The following RLN2 variants were observed in gnomAD, a reference collection of about 807,000 sequenced individuals.
RLN2 encodes the protein prorelaxin H2.
A neutral mutation model predicts 7.3 loss-of-function variants in RLN2; 10 were observed. The ratio of observed to expected loss-of-function variants is 1.36; its 90% CI spans 0.84 to 2.31. The LOEUF (loss-of-function observed/expected upper bound fraction) is 2.31. RLN2 is among the 30% of genes most tolerant of loss of function. The pLI, the probability that RLN2 is intolerant of heterozygous loss-of-function variation, is 0.00. For missense variants in RLN2, 298 were observed against 217.6 expected (o/e 1.37, Z -2.32); for synonymous variants, 103 against 82.3 (o/e 1.25, Z -1.36).
chr9:5,333,283 T>C, the RLN2 span, among the ~76,000 whole-genome samples: 2 of 151,774 alleles, frequency 1.3e-5, no homozygotes, highest in Non-Finnish European at 2.9e-5. Context: ...CCTACAACAC[T>C]GATAAAGAAG....
the RLN2 span, among the ~76,000 whole-genome samples, chr9:5,332,656 C>G: frequency 6.7e-6 from 1 of 150,012 alleles, no homozygotes; most frequent in Non-Finnish European, 1.5e-5. Context: ...GTGTTTCACT[C>G]TTGATGCCTA....
chr9:5,326,632 T>C, the RLN2 span, among the ~76,000 whole-genome samples: 1 of 152,028 alleles, frequency 6.6e-6, no homozygotes, highest in Non-Finnish European at 1.5e-5. Flanking sequence ...AAACAGAGAA[T>C]GCCCAGGTCT....
At chr9:5,321,262 A>G in the RLN2 span, among the ~76,000 whole-genome samples, 1 of 152,118 alleles carries the variant, frequency 6.6e-6, no homozygotes, top group Non-Finnish European at 1.5e-5. Flanking sequence ...CCAACCCATT[A>G]GAAAATGAGC....
In RLN2 at chr9:5,300,015, G is replaced by T; in HGVS notation, c.*83C>A. On this transcript the variant is annotated 3_prime_UTR_variant, in exon 2 of 2. Transcript: ENST00000381627. ...AAGATTCTTAGATATTCTAAGAATTGATGGGACCTGATAGAAGCATCAGTG... is the reference window on the plus strand; with the variant it reads ...AAGATTCTTAGATATTCTAAGAATTTATGGGACCTGATAGAAGCATCAGTG... The T allele has an allele frequency of 2.5e-6, 2 of 804,874 alleles. No homozygotes were observed. The highest frequency in any genetic ancestry group is 4.0e-5 in the South Asian group (2 of 50,376). 49.9% of individuals were successfully genotyped at this position (804,874 alleles called of 1,614,324 possible).
chr9:5,307,107 G>A (rs141716088), upstream of RLN2, among the ~76,000 whole-genome samples: 3 of 152,012 alleles, frequency 2.0e-5, no homozygotes, highest in African/African-American at 4.8e-5. Context: ...CTGCCTGGGA[G>A]GGTGGGAATA....
the RLN2 span, chr9:5,311,491 C>G: frequency 1.5e-6 from 1 of 682,848 alleles, no homozygotes; most frequent in African/African-American, 1.8e-5. Flanking sequence ...GATAAAGTCA[C>G]GATGAAGGAT....
At chr9:5,327,818 G>A in the RLN2 span, among the ~76,000 whole-genome samples, 1 of 152,098 alleles carries the variant, frequency 6.6e-6, no homozygotes, top group South Asian at 2.1e-4. Flanking sequence ...GCAGCTGAGG[G>A]GTCTGACTGT....
At chr9:5,317,126 A>T in the RLN2 span, among the ~76,000 whole-genome samples, 1 of 152,048 alleles carries the variant, frequency 6.6e-6, no homozygotes, top group Non-Finnish European at 1.5e-5. Context: ...ACAGGAAAAC[A>T]TAAAATCACA....
the RLN2 span, among the ~76,000 whole-genome samples, chr9:5,336,163 C>T: frequency 6.6e-6 from 1 of 151,970 alleles, no homozygotes; most frequent in African/African-American, 2.4e-5. Context: ...CTCTGATGTT[C>T]CTCAATCATC....
chr9:5,302,856 AAG>A (rs35424903), intron 1 of RLN2, among the ~76,000 whole-genome samples: 85,688 of 150,380 alleles, frequency 0.57, 26,008 homozygotes, highest in African/African-American at 0.78. Context: ...GAAAATGCAA[AAG>A]ATATATACAT....
upstream of RLN2, among the ~76,000 whole-genome samples, chr9:5,306,389 AT>A (rs903484850): frequency 6.6e-6 from 1 of 151,698 alleles, no homozygotes; most frequent in Non-Finnish European, 1.5e-5. Context: ...GGATATTTTG[AT>A]TTTTTATGTT....
At chr9:5,335,872 G>T in the RLN2 span, among the ~76,000 whole-genome samples, 1 of 151,808 alleles carries the variant, frequency 6.6e-6, no homozygotes, top group South Asian at 2.1e-4. Context: ...TAGTACTTTT[G>T]ACTCTCCCTG....
the RLN2 span, among the ~76,000 whole-genome samples, chr9:5,323,270 T>A: frequency 1.3e-5 from 2 of 151,952 alleles, no homozygotes; most frequent in Non-Finnish European, 1.5e-5. Context: ...CATATGTGAG[T>A]AATTAAATGT....
At chr9:5,326,579 C>T in the RLN2 span, among the ~76,000 whole-genome samples, 2 of 151,958 alleles carry the variant, frequency 1.3e-5, no homozygotes, top group Admixed American at 6.6e-5. Flanking sequence ...CAAGGAAGAG[C>T]AGGGTATGGA....
Position 5,304,417 on chromosome 9 carries a change from C to G in RLN2, c.164G>C (p.Arg55Thr). The part of the protein sequence containing the change: ...AICGMSTWSK[R>T]SLSQEDAPQT... ...AGGAGCATCTTCCTGGCTCAGAGACCTTTTGCTCCAGGTGCTCATGCCGCA... is the reference window on the plus strand; with the variant it reads ...AGGAGCATCTTCCTGGCTCAGAGACGTTTTGCTCCAGGTGCTCATGCCGCA... Residue 55 changes from arginine (R) to threonine (T), a missense_variant, in exon 1 of 2, where the codon AGG (arginine) becomes ACG (threonine). Arg to Thr is a moderately conservative substitution (Grantham distance 71). Coordinates refer to ENST00000381627, the MANE Select transcript of RLN2 (RefSeq NM_134441.3). 1 of 1,611,142 alleles carries G rather than the reference C, an allele frequency of 6.2e-7. No homozygotes were observed. Among genetic ancestry groups the G allele is most frequent in the Non-Finnish European group, 8.5e-7 (1 of 1,179,128 alleles).
At chr9:5,319,799 T>A in the RLN2 span, among the ~76,000 whole-genome samples, 1 of 151,968 alleles carries the variant, frequency 6.6e-6, no homozygotes, top group African/African-American at 2.4e-5. Flanking sequence ...TTTGCAGAAT[T>A]ATGGAGCAGG....
chr9:5,322,936 TGCAGAAAAA>T, the RLN2 span, among the ~76,000 whole-genome samples: 46 of 151,972 alleles, frequency 3.0e-4, 1 homozygote, highest in Middle Eastern at 0.01. Context: ...AACCAGTCAA[TGCAGAAAAA>T]GCACTTCGCC....
chr9:5,335,431 A>T, the RLN2 span: 4 of 1,613,658 alleles, frequency 2.5e-6, no homozygotes, highest in East Asian at 2.2e-5. Flanking sequence ...TAAATTCTTC[A>T]AAGCTAAGAT....
the RLN2 span, among the ~76,000 whole-genome samples, chr9:5,319,420 C>T: frequency 3.3e-5 from 5 of 151,694 alleles, no homozygotes; most frequent in Admixed American, 6.6e-5. Context: ...CTGAATGGAA[C>T]GTCCCATGAG....
Sources: allele counts gnomAD v4.1 joint callset (sites outside exome capture counted in the v4.1 genomes callset), GRCh38; gene constraint gnomAD v4.1.1; transcripts MANE v1.5; gene names NCBI Gene and HGNC (gene_info 2026-07-23, HGNC 2026-07-21).